The following IGSF21 variants were observed in gnomAD, a reference collection of about 807,000 sequenced individuals.
IGSF21 encodes the protein immunoglobin superfamily member 21, also known as immunoglobulin superfamily member 21.
A neutral mutation model predicts 46.8 loss-of-function variants in IGSF21; 28 were observed. The ratio of observed to expected loss-of-function variants is 0.60; its 90% CI spans 0.44 to 0.82. The LOEUF is 0.82. Among genes scored for constraint, IGSF21 ranks in the 40% least tolerant of loss-of-function variants. IGSF21 has a pLI of 0.00. For missense variants in IGSF21, 624 were observed against 665.5 expected (o/e 0.94, Z 0.69); for synonymous variants, 284 against 273.6 (o/e 1.04, Z -0.38).
intron 1 of IGSF21, among the ~76,000 whole-genome samples, chr1:18,124,169 T>C (rs574032113): frequency 7.9e-5 from 12 of 152,190 alleles, no homozygotes; most frequent in Non-Finnish European, 8.8e-5. Context: ...CAGAGAAACA[T>C]TGAAGCCAAA....
At position 18,232,240 on chromosome 1, in the gene IGSF21, T is replaced by G. The variant is rs957882685; in HGVS notation, c.183+4230T>G. On this transcript the variant is annotated intron_variant, in intron 2 of 9. Coordinates refer to ENST00000251296, the MANE Select transcript of IGSF21 (RefSeq NM_032880.5). ...TTTGGCTAATAGAGTAGGGGTGCAATTCCATATTTCACCAGTAGGAGGCTG... is the reference window on the plus strand; with the variant it reads ...TTTGGCTAATAGAGTAGGGGTGCAAGTCCATATTTCACCAGTAGGAGGCTG... Among the ~76,000 whole-genome samples the G allele has an allele frequency of 2.2e-5, 3 of 139,398 alleles. No homozygotes were observed. In the Admixed American group the frequency reaches 2.2e-4, roughly 10 times the overall value. 91.5% of individuals were successfully genotyped at this position (139,398 alleles called of 152,430 possible). A position where few individuals can be genotyped will look rare whatever the true frequency, so the allele number is the denominator to read the frequency against.
chr1:18,301,730 G>A (rs1365931405), intron 3 of IGSF21, among the ~76,000 whole-genome samples: 3 of 152,104 alleles, frequency 2.0e-5, no homozygotes, highest in Non-Finnish European at 4.4e-5. Flanking sequence ...CTACACACAT[G>A]TGCGTGTGTA....
chr1:18,331,336 C>G (rs920979147), intron 3 of IGSF21, among the ~76,000 whole-genome samples: 2 of 152,178 alleles, frequency 1.3e-5, no homozygotes, highest in African/African-American at 4.8e-5. Flanking sequence ...TTAGCTCCCA[C>G]TTATGCATGA....
At chr1:18,326,634 G>T (rs984525801) in intron 3 of IGSF21, among the ~76,000 whole-genome samples, 1 of 152,140 alleles carries the variant, frequency 6.6e-6, no homozygotes, top group Admixed American at 6.5e-5. Context: ...TTTTAAATCG[G>T]GTAGATTATG....
chr1:18,357,334 GAGATGA>G (rs1177987670), intron 4 of IGSF21, among the ~76,000 whole-genome samples: 1 of 150,380 alleles, frequency 6.6e-6, no homozygotes, highest in Non-Finnish European at 1.5e-5. Flanking sequence ...GATAAGGAAG[GAGATGA>G]AGATGGAGAT....
Position 18,365,329 on chromosome 1 carries a change from T to C in IGSF21, c.647T>C (p.Leu216Pro), listed in dbSNP as rs1417552270. 6.2e-7 allele frequency: 1 copy of C among 1,614,090 alleles called. No individual in the cohort carries two copies. Among genetic ancestry groups the C allele is most frequent in the African/African-American group, 1.3e-5 (1 of 75,020 alleles). ...LQDSRPFRSL[L>P]HRDLDDTKMQ... ...GACAGCAGGCCCTTCCGCAGCCTTC[T>C]GCACCGTGACCTGGATGACACCAAG... Residue 216 changes from leucine to proline, a missense_variant, in exon 6 of 10, where the codon CTG (leucine) becomes CCG (proline). Leu to Pro is a moderately conservative substitution (Grantham distance 98). Coordinates refer to ENST00000251296, the MANE Select transcript of IGSF21 (RefSeq NM_032880.5). This position sits in a 1 kb window ranked among gnomAD's most constrained non-coding sequence, Gnocchi z 4.8.
intron 3 of IGSF21, among the ~76,000 whole-genome samples, chr1:18,293,014 G>A (rs1278585328): frequency 6.6e-6 from 1 of 152,228 alleles, no homozygotes; most frequent in Non-Finnish European, 1.5e-5. Flanking sequence ...TGCAGCCCCG[G>A]CAAGCCCACA....
chr1:18,116,799 C>T (rs974791318), intron 1 of IGSF21, among the ~76,000 whole-genome samples: 1 of 152,230 alleles, frequency 6.6e-6, no homozygotes. Context: ...GGGAGTGGCC[C>T]AGGAAGGCTC....
intron 1 of IGSF21, among the ~76,000 whole-genome samples, chr1:18,207,573 G>A (rs2084342509): frequency 6.6e-6 from 1 of 152,194 alleles, no homozygotes; most frequent in Non-Finnish European, 1.5e-5. Flanking sequence ...CCCTCAAAGA[G>A]CATTTATTAA....
chr1:18,304,693 A>G (rs2124578768), intron 3 of IGSF21, among the ~76,000 whole-genome samples: 1 of 128,588 alleles, frequency 7.8e-6, no homozygotes, highest in Non-Finnish European at 1.6e-5. Flanking sequence ...GTTGGAAATT[A>G]TCTACACACA....
chr1:18,352,688 G>A (rs983745842), intron 4 of IGSF21, among the ~76,000 whole-genome samples: 1 of 152,270 alleles, frequency 6.6e-6, no homozygotes, highest in East Asian at 1.9e-4. Flanking sequence ...CTGATTCACT[G>A]CCTAGAAGGC....
chr1:18,277,893 A>G (rs1412820568), intron 2 of IGSF21, among the ~76,000 whole-genome samples: 1 of 152,184 alleles, frequency 6.6e-6, no homozygotes, highest in Non-Finnish European at 1.5e-5. Flanking sequence ...AGCGGAGGGA[A>G]TTTTCTGGAG....
At chr1:18,361,063 AC>A (rs1018316255) in intron 4 of IGSF21, among the ~76,000 whole-genome samples, 18 of 152,274 alleles carry the variant, frequency 1.2e-4, no homozygotes, top group East Asian at 3.9e-4. Flanking sequence ...GGGGTGGCCA[AC>A]AAAAATAAGC....
intron 1 of IGSF21, among the ~76,000 whole-genome samples, chr1:18,108,598 G>GGT (rs777447662): frequency 6.6e-6 from 1 of 151,806 alleles, no homozygotes; most frequent in Non-Finnish European, 1.5e-5. Context: ...ACATGGAGAA[G>GGT]GTGTGTGTGT....
At chr1:18,156,063 G>A (rs2086565660) in intron 1 of IGSF21, among the ~76,000 whole-genome samples, 1 of 152,206 alleles carries the variant, frequency 6.6e-6, no homozygotes, top group African/African-American at 2.4e-5. Flanking sequence ...CCGGTAAGTG[G>A]GCCAGGGCAC....
chr1:18,347,073 C>T (rs2085901479), intron 4 of IGSF21, among the ~76,000 whole-genome samples: 1 of 152,206 alleles, frequency 6.6e-6, no homozygotes, highest in African/African-American at 2.4e-5. Context: ...TTGAAGCTAA[C>T]TGGGTCATCT....
chr1:18,329,640 T>C (rs2085692681), intron 3 of IGSF21, among the ~76,000 whole-genome samples: 1 of 152,150 alleles, frequency 6.6e-6, no homozygotes, highest in Admixed American at 6.5e-5. Flanking sequence ...TTTGGAGGGC[T>C]GGGCAGTCAA....
chr1:18,255,184 C>A (rs1038436156), intron 2 of IGSF21, among the ~76,000 whole-genome samples: 3 of 152,178 alleles, frequency 2.0e-5, no homozygotes, highest in Non-Finnish European at 2.9e-5. Flanking sequence ...GAGTGAGAAA[C>A]TGAGGCTTGG....
intron 6 of IGSF21, among the ~76,000 whole-genome samples, chr1:18,374,384 C>G (rs2086258350): frequency 6.6e-6 from 1 of 152,222 alleles, no homozygotes; most frequent in Non-Finnish European, 1.5e-5. Context: ...CTGCCACTGC[C>G]TGATGTTCCT....
Sources: allele counts gnomAD v4.1 joint callset (sites outside exome capture counted in the v4.1 genomes callset), GRCh38; gene constraint gnomAD v4.1.1; non-coding constraint Gnocchi (gnomAD v3.1); transcripts MANE v1.5; gene names NCBI Gene and HGNC (gene_info 2026-07-23, HGNC 2026-07-21).